Variants in PTPRG observed in about 807,000 individuals in gnomAD.
PTPRG encodes the protein protein tyrosine phosphatase receptor type G.
A neutral mutation model predicts 165.3 loss-of-function variants in PTPRG; 102 were observed. The ratio of observed to expected loss-of-function variants is 0.62; its 90% CI spans 0.53 to 0.73. The LOEUF (loss-of-function observed/expected upper bound fraction) is 0.73, where lower values mean the gene tolerates loss of function less well. Ranked by LOEUF, PTPRG falls within the 30% of genes least tolerant of loss-of-function variation. The pLI, the probability that PTPRG is intolerant of heterozygous loss-of-function variation, is 0.00. For missense variants in PTPRG, 1,866 were observed against 1,861.4 expected (o/e 1.00, Z -0.05); for synonymous variants, 675 against 669.5 (o/e 1.01, Z -0.13).
At chr3:61,733,202 G>A (rs1575617472) in intron 1 of PTPRG, among the ~76,000 whole-genome samples, 1 of 152,130 alleles carries the variant, frequency 6.6e-6, no homozygotes, top group Non-Finnish European at 1.5e-5. Context: ...GTTCAAACAT[G>A]TTCTATATTG....
chr3:61,958,533 A>G (rs192048139), intron 2 of PTPRG, among the ~76,000 whole-genome samples: 11 of 152,204 alleles, frequency 7.2e-5, no homozygotes, highest in African/African-American at 2.7e-4. Flanking sequence ...TGCCTCTCCT[A>G]TGAAGCCATC....
At chr3:61,747,952 G>A (rs1055417702) in intron 1 of PTPRG, among the ~76,000 whole-genome samples, 2 of 152,068 alleles carry the variant, frequency 1.3e-5, no homozygotes, top group Admixed American at 1.3e-4. Context: ...TTCAGGTGTG[G>A]GCTCACAACA....
intron 2 of PTPRG, among the ~76,000 whole-genome samples, chr3:61,959,546 C>G (rs1559714011): frequency 6.6e-6 from 1 of 152,156 alleles, no homozygotes; most frequent in African/African-American, 2.4e-5. Flanking sequence ...GGCAGTAATG[C>G]TGAATCCTGC....
At chr3:61,688,916 C>T (rs543921864) in intron 1 of PTPRG, among the ~76,000 whole-genome samples, 2 of 152,204 alleles carry the variant, frequency 1.3e-5, no homozygotes, top group South Asian at 2.1e-4. Flanking sequence ...CTTCTCAATG[C>T]ATCAGGGAAA....
intron 4 of PTPRG, among the ~76,000 whole-genome samples, chr3:62,065,253 T>A (rs534606275): frequency 7.2e-5 from 11 of 152,250 alleles, no homozygotes; most frequent in African/African-American, 2.6e-4. Flanking sequence ...CTGAGGCATG[T>A]TTACATATTT....
intron 7 of PTPRG, among the ~76,000 whole-genome samples, chr3:62,160,774 T>C (rs1050973799): frequency 2.0e-5 from 3 of 152,076 alleles, no homozygotes; most frequent in Non-Finnish European, 4.4e-5. Flanking sequence ...TTCCCCAGCT[T>C]GAATTTTACT....
At chr3:61,735,248 T>G (rs2032673735) in intron 1 of PTPRG, among the ~76,000 whole-genome samples, 1 of 152,210 alleles carries the variant, frequency 6.6e-6, no homozygotes, top group South Asian at 2.1e-4. Flanking sequence ...ATCACTTCAT[T>G]TAAGATTGTA....
intron 5 of PTPRG, among the ~76,000 whole-genome samples, chr3:62,088,261 TAGC>T (rs1242928062): frequency 3.3e-5 from 5 of 152,150 alleles, no homozygotes; most frequent in Non-Finnish European, 7.4e-5. Flanking sequence ...AACCAACAGT[TAGC>T]AGCCCAAAAT....
At chr3:61,778,737 G>T (rs775494671) in intron 2 of PTPRG, among the ~76,000 whole-genome samples, 1 of 152,150 alleles carries the variant, frequency 6.6e-6, no homozygotes, top group Non-Finnish European at 1.5e-5. Flanking sequence ...ATCTCAGATA[G>T]ATAACAGCAG....
chr3:61,623,287 C>T (rs1701512453), intron 1 of PTPRG, among the ~76,000 whole-genome samples: 1 of 152,148 alleles, frequency 6.6e-6, no homozygotes, highest in Non-Finnish European at 1.5e-5. Context: ...ATGGCATTCC[C>T]AAGACTCAGA....
chr3:61,847,697 A>T (rs974738943), intron 2 of PTPRG, among the ~76,000 whole-genome samples: 2 of 152,234 alleles, frequency 1.3e-5, no homozygotes, highest in African/African-American at 4.8e-5. Context: ...TGATTGTATG[A>T]AGCATGTTCT....
intron 1 of PTPRG, among the ~76,000 whole-genome samples, chr3:61,665,302 C>T (rs115535394): frequency 2.2e-4 from 34 of 152,204 alleles, no homozygotes; most frequent in Non-Finnish European, 4.0e-4. Context: ...CTGGAAGTAT[C>T]GTTTTAAATC....
At chr3:61,978,971 C>T (rs2040572858) in intron 2 of PTPRG, among the ~76,000 whole-genome samples, 2 of 152,106 alleles carry the variant, frequency 1.3e-5, no homozygotes, top group South Asian at 2.1e-4. Context: ...GCTTCTGAGC[C>T]TCAGTTTCAT....
At chr3:62,242,376 G>A (rs186367635) in intron 14 of PTPRG, among the ~76,000 whole-genome samples, 1 of 152,284 alleles carries the variant, frequency 6.6e-6, no homozygotes, top group African/African-American at 2.4e-5. Context: ...AGTCCTGGGA[G>A]GCATGTGTCA....
chr3:61,842,699 AAAAAG>A (rs2036676436), intron 2 of PTPRG, among the ~76,000 whole-genome samples: 1 of 148,880 alleles, frequency 6.7e-6, no homozygotes, highest in Non-Finnish European at 1.5e-5. Context: ...AAAAAAAAAA[AAAAAG>A]AAAAAGAAAA....
At chr3:61,841,442 G>A (rs1296952208) in intron 2 of PTPRG, among the ~76,000 whole-genome samples, 2 of 152,148 alleles carry the variant, frequency 1.3e-5, no homozygotes, top group East Asian at 1.9e-4. Context: ...TCTTTGTCCT[G>A]TAGGTATAAA....
At chr3:62,090,934 A>G (rs542748715) in intron 5 of PTPRG, among the ~76,000 whole-genome samples, 5 of 152,334 alleles carry the variant, frequency 3.3e-5, no homozygotes, top group East Asian at 1.9e-4. Flanking sequence ...TGCCACTTCA[A>G]TCCCTTTGTC....
intron 1 of PTPRG, among the ~76,000 whole-genome samples, chr3:61,619,632 A>C (rs976212714): frequency 6.6e-6 from 1 of 152,214 alleles, no homozygotes; most frequent in Non-Finnish European, 1.5e-5. Context: ...TGGGTTCAAC[A>C]TGGGCTTCCT....
chr3:61,804,323 G>A lies in PTPRG; in HGVS notation c.190+55341G>A, dbSNP rs73084089. 8.7e-3 allele frequency among the ~76,000 whole-genome samples: 1,330 copies of A among 152,282 alleles called. 12 individuals carry two copies. Among genetic ancestry groups the A allele is most frequent in the Non-Finnish European group, 0.013 (894 of 67,996 alleles). On this transcript the variant is annotated intron_variant, in intron 2 of 29. Coordinates refer to ENST00000474889, the MANE Select transcript of PTPRG (RefSeq NM_002841.4). ...GATGTGGACTTGGAGGGGCAATCTG[G>A]AGTTAATAGTCAGAACTAGATTGTA...
Sources: gnomAD v4.1 joint callset for allele counts (sites outside exome capture counted in the v4.1 genomes callset) on GRCh38, gnomAD v4.1.1 for gene constraint, MANE v1.5 for transcripts, NCBI Gene and HGNC (gene_info 2026-07-23, HGNC 2026-07-21) for gene names.